The following SPATA16 variants were observed in gnomAD, a reference collection of about 807,000 sequenced individuals.
The protein encoded by SPATA16 is spermatogenesis-associated protein 16.
In SPATA16, 36 loss-of-function variants were observed where a neutral mutation model predicts 63.3. The ratio of observed to expected loss-of-function variants is 0.57; its 90% CI spans 0.44 to 0.75. SPATA16 has a LOEUF of 0.75. SPATA16 is among the 30% of genes least tolerant of loss of function. The pLI is 0.00. For missense variants in SPATA16, 646 were observed against 679.3 expected (o/e 0.95, Z 0.54); for synonymous variants, 203 against 216.7 (o/e 0.94, Z 0.56).
intron 6 of SPATA16, among the ~76,000 whole-genome samples, chr3:172,928,334 T>A (rs1209087543): frequency 6.6e-6 from 1 of 152,240 alleles, no homozygotes; most frequent in African/African-American, 2.4e-5. Flanking sequence ...GAAGTTTCTT[T>A]GCTTTTGAAA....
At chr3:172,973,883 A>G (rs1407050488) in intron 5 of SPATA16, among the ~76,000 whole-genome samples, 1 of 151,012 alleles carries the variant, frequency 6.6e-6, no homozygotes, top group African/African-American at 2.5e-5. Flanking sequence ...AGATGCCTGG[A>G]TGTCGGGTTG....
chr3:173,117,934 A>T (rs1041040588), intron 1 of SPATA16, among the ~76,000 whole-genome samples, 185 bp from the exon 2 acceptor site: 2 of 152,142 alleles, frequency 1.3e-5, no homozygotes, highest in Non-Finnish European at 2.9e-5. Flanking sequence ...CAGTCTCAAA[A>T]CTCACCAAGA....
intron 6 of SPATA16, among the ~76,000 whole-genome samples, chr3:172,951,524 C>T (rs1233984233): frequency 6.6e-6 from 1 of 152,050 alleles, no homozygotes. Context: ...AACCTAAATA[C>T]ATTTCAGAAT....
At chr3:173,044,721 T>A (rs977849630) in intron 3 of SPATA16, among the ~76,000 whole-genome samples, 2 of 152,172 alleles carry the variant, frequency 1.3e-5, no homozygotes, top group South Asian at 4.1e-4. Context: ...TTGTGGGGAA[T>A]CTGGATTATG....
At chr3:172,994,339 A>G (rs1465457478) in intron 4 of SPATA16, among the ~76,000 whole-genome samples, 1 of 152,160 alleles carries the variant, frequency 6.6e-6, no homozygotes, top group Non-Finnish European at 1.5e-5. Flanking sequence ...GATAGATAGC[A>G]CAAAAAAAGA....
intron 4 of SPATA16, among the ~76,000 whole-genome samples, chr3:172,979,087 A>G (rs577184474): frequency 3.3e-5 from 5 of 152,128 alleles, no homozygotes; most frequent in Non-Finnish European, 7.4e-5. Context: ...AATACAAAAA[A>G]TTAGCCACGT....
chr3:172,905,408 C>T (rs1732212648), intron 10 of SPATA16, among the ~76,000 whole-genome samples: 1 of 152,134 alleles, frequency 6.6e-6, no homozygotes, highest in African/African-American at 2.4e-5. Flanking sequence ...GCCATGTGTA[C>T]AATCTCTCTC....
chr3:173,093,194 TAAATG>T lies in SPATA16; in HGVS notation c.612+23921_612+23925del, dbSNP rs1737268259. On this transcript the variant is annotated intron_variant, in intron 2 of 10. Transcript: ENST00000351008. ...TACATTTTTAATTTAAAATGTTCTTTAAATGAAATGGTGGTGTTAGAAGATAGTAG... is the reference window on the plus strand; with the variant it reads ...TACATTTTTAATTTAAAATGTTCTTTAAATGGTGGTGTTAGAAGATAGTAG... 2.6e-5 allele frequency among the ~76,000 whole-genome samples: 4 copies of T among 152,212 alleles called. No individual in the cohort carries two copies. The South Asian group carries it at 6.2e-4, about 24-fold the overall frequency.
chr3:173,079,623 C>G (rs907797177), intron 2 of SPATA16, among the ~76,000 whole-genome samples: 5 of 152,092 alleles, frequency 3.3e-5, no homozygotes, highest in Non-Finnish European at 7.4e-5. Context: ...TTTATCATCA[C>G]TTAGTACTCA....
chr3:173,026,027 C>T (rs1313480552), intron 3 of SPATA16, among the ~76,000 whole-genome samples: 1 of 151,990 alleles, frequency 6.6e-6, no homozygotes, highest in Non-Finnish European at 1.5e-5. Context: ...TACTATCCTG[C>T]ATTCTCTCCA....
At chr3:173,043,141 A>G (rs1251148566) in intron 3 of SPATA16, among the ~76,000 whole-genome samples, 3 of 152,114 alleles carry the variant, frequency 2.0e-5, no homozygotes, top group East Asian at 1.9e-4. Flanking sequence ...TTTTCAATCA[A>G]TGTACATATG....
intron 4 of SPATA16, 35 bp from the exon 5 acceptor site, chr3:172,977,087 A>G: frequency 1.3e-6 from 2 of 1,546,042 alleles, no homozygotes; most frequent in Non-Finnish European, 1.8e-6. Flanking sequence ...AAAAACAAAA[A>G]CAAATGTATA....
At chr3:173,082,613 G>A (rs1170014840) in intron 2 of SPATA16, among the ~76,000 whole-genome samples, 1 of 152,206 alleles carries the variant, frequency 6.6e-6, no homozygotes, top group Non-Finnish European at 1.5e-5. Flanking sequence ...TATTGTTTGA[G>A]CAGGGAATTC....
intron 4 of SPATA16, among the ~76,000 whole-genome samples, chr3:172,988,662 G>T (rs565409209): frequency 6.6e-6 from 1 of 152,234 alleles, no homozygotes; most frequent in East Asian, 1.9e-4. Context: ...AATTTTTTGG[G>T]ATGGAGTTTC....
intron 2 of SPATA16, among the ~76,000 whole-genome samples, chr3:173,108,412 A>G (rs1737669994): frequency 6.6e-6 from 1 of 152,212 alleles, no homozygotes; most frequent in Admixed American, 6.5e-5. Context: ...AAAGTCACAT[A>G]TGGGTTAAAA....
chr3:173,088,998 C>T (rs1043446687), intron 2 of SPATA16, among the ~76,000 whole-genome samples: 1 of 152,146 alleles, frequency 6.6e-6, no homozygotes, highest in Non-Finnish European at 1.5e-5. Flanking sequence ...GATGAACGGA[C>T]CACCCCAGAA....
At chr3:173,011,764 G>A (rs1735079019) in intron 4 of SPATA16, among the ~76,000 whole-genome samples, 1 of 152,166 alleles carries the variant, frequency 6.6e-6, no homozygotes, top group South Asian at 2.1e-4. Context: ...TACAAAATAA[G>A]TGTACAAAAA....
At chr3:173,032,187 T>C (rs1233606861) in intron 3 of SPATA16, among the ~76,000 whole-genome samples, 1 of 152,052 alleles carries the variant, frequency 6.6e-6, no homozygotes, top group East Asian at 1.9e-4. Flanking sequence ...TCATGTTTTA[T>C]CCCCAAAATT....
chr3:173,037,452 C>T lies in SPATA16; in HGVS notation c.758+11497G>A, dbSNP rs547132792. 7.2e-5 allele frequency among the ~76,000 whole-genome samples: 11 copies of T among 152,170 alleles called. No homozygotes were observed. In the South Asian group the frequency reaches 1.7e-3, roughly 23 times the overall value. ...ATATTTCTTTCATCTGCTAATTTCTCATTGTTAAGCACTCAAAAATCAAAC... is the reference window on the plus strand; with the variant it reads ...ATATTTCTTTCATCTGCTAATTTCTTATTGTTAAGCACTCAAAAATCAAAC... On this transcript the variant is annotated intron_variant, in intron 3 of 10. Transcript: ENST00000351008.
Sources: allele counts gnomAD v4.1 joint callset (sites outside exome capture counted in the v4.1 genomes callset), GRCh38; gene constraint gnomAD v4.1.1; transcripts MANE v1.5; gene names NCBI Gene and HGNC (gene_info 2026-07-23, HGNC 2026-07-21).